Variants in GATA4 observed in about 807,000 individuals in gnomAD.
GATA4 encodes the protein GATA binding protein 4, also known as transcription factor GATA-4.
A neutral mutation model predicts 37.9 loss-of-function variants in GATA4; 7 were observed. The observed-to-expected ratio is 0.18, with a 90% CI of 0.11 to 0.35. The LOEUF (loss-of-function observed/expected upper bound fraction) is 0.35. Among genes scored for constraint, GATA4 ranks in the 10% least tolerant of loss-of-function variants. The pLI, the probability that GATA4 is intolerant of heterozygous loss-of-function variation, is 1.00. For missense variants in GATA4, 647 were observed against 653.0 expected (o/e 0.99, Z 0.10); for synonymous variants, 372 against 292.6 (o/e 1.27, Z -2.77).
chr8:11,742,448 A>G (rs939819598), intron 2 of GATA4, among the ~76,000 whole-genome samples: 5 of 150,932 alleles, frequency 3.3e-5, no homozygotes, highest in African/African-American at 9.7e-5. Context: ...TTTAGGAAAA[A>G]CAAAACAAAA....
chr8:11,749,775 G>T lies in GATA4; in HGVS notation c.787-336G>T, dbSNP rs557245647. 6.6e-6 allele frequency among the ~76,000 whole-genome samples: 1 copy of T among 152,136 alleles called. No homozygotes were observed. The highest frequency in any genetic ancestry group is 2.4e-5 in the African/African-American group (1 of 41,426). On this transcript the variant is annotated intron_variant, in intron 3 of 6. Transcript: ENST00000532059. The surrounding 1 kb of genome is among the most constrained non-coding windows in gnomAD (Gnocchi z 4.6). ...GCCTGCCCCCGGCACCTGCAGCCCC[G>T]GTCAGTTCTCCTCTCAGGAGAAGCT...
intron 1 of GATA4, among the ~76,000 whole-genome samples, chr8:11,677,843 G>A (rs973860962): frequency 3.9e-5 from 6 of 152,170 alleles, no homozygotes; most frequent in East Asian, 1.9e-4. Context: ...CACAGAGCTC[G>A]TAGTTTTCTT....
chr8:11,687,478 T>C (rs1473155056), intron 1 of GATA4, among the ~76,000 whole-genome samples: 1 of 152,166 alleles, frequency 6.6e-6, no homozygotes, highest in East Asian at 1.9e-4. Context: ...CAGAGCTCTG[T>C]GCCCTCATCT....
At chr8:11,716,224 A>C (rs1800426808) in intron 2 of GATA4, among the ~76,000 whole-genome samples, 1 of 152,196 alleles carries the variant, frequency 6.6e-6, no homozygotes, top group Admixed American at 6.5e-5. Context: ...TGACTATATT[A>C]CCTAATTTTA....
chr8:11,708,214 C>T lies in GATA4; in HGVS notation c.-99C>T. 3 of 1,320,174 alleles carry T rather than the reference C, an allele frequency of 2.3e-6. No individual in the cohort carries two copies. The highest frequency in any genetic ancestry group is 3.2e-6 in the Non-Finnish European group (3 of 952,028). The allele number at this position is 1,320,174 out of a possible 1,614,324, so 81.8% of individuals were successfully genotyped here. A position where few individuals can be genotyped will look rare whatever the true frequency, so the allele number is the denominator to read the frequency against. On this transcript the variant is annotated 5_prime_UTR_variant, in exon 2 of 7. Transcript: ENST00000532059. The surrounding 1 kb of genome is among the most constrained non-coding windows in gnomAD (Gnocchi z 6.7). ...TTTTGATCTTCGCGACAGTTCCTCCCACGCATATTATCGTTGTTGCCGTCG... is the reference window on the plus strand; with the variant it reads ...TTTTGATCTTCGCGACAGTTCCTCCTACGCATATTATCGTTGTTGCCGTCG...
chr8:11,681,143 C>T, intron 1 of GATA4: 1 of 985,394 alleles, frequency 1.0e-6, no homozygotes, highest in Non-Finnish European at 1.2e-6. Context: ...CCCAGGGAAT[C>T]TCCAGCTCCG....
At chr8:11,718,806 G>A (rs1010651779) in intron 2 of GATA4, among the ~76,000 whole-genome samples, 6 of 152,172 alleles carry the variant, frequency 3.9e-5, no homozygotes, top group Non-Finnish European at 7.3e-5. Context: ...AGAACTGATC[G>A]ATAGCAACTG....
At chr8:11,714,613 T>C (rs1800356272) in intron 2 of GATA4, among the ~76,000 whole-genome samples, 1 of 152,144 alleles carries the variant, frequency 6.6e-6, no homozygotes, top group African/African-American at 2.4e-5. Context: ...AAGAAAGGTG[T>C]GTTGGGGTGG....
intron 1 of GATA4, among the ~76,000 whole-genome samples, chr8:11,677,529 A>G (rs1418469431): frequency 6.6e-6 from 1 of 152,082 alleles, no homozygotes. Context: ...AGAACACCCA[A>G]ATCCCCTGGG....
chr8:11,711,383 C>T (rs78197677), intron 2 of GATA4, among the ~76,000 whole-genome samples: 6,404 of 152,256 alleles, frequency 0.042, 191 homozygotes, highest in Non-Finnish European at 0.065. Flanking sequence ...AGGAGAGGTG[C>T]GGCTCTCTGT....
At chr8:11,701,617 G>A (rs1799680074), upstream of GATA4, among the ~76,000 whole-genome samples, 1 of 152,170 alleles carries the variant, frequency 6.6e-6, no homozygotes, top group Admixed American at 6.5e-5. Flanking sequence ...AGGAAAGGAG[G>A]GAAAAGGAAA....
Position 11,750,114 on chromosome 8 carries a change from G to A in GATA4, c.790G>A (p.Ala264Thr), listed in dbSNP as rs201520087. The part of the protein sequence containing the change: ...PLIKPQRRLS[A>T]SRRVGLSCAN... ...GCATTTGTTTCCTGTCTTGCAGTCC[G>A]CCTCCCGCCGAGTGGGCCTCTCCTG... The change falls in exon 4 of 7, where the codon GCC (alanine) becomes ACC (threonine). Residue 264 changes from alanine to threonine, a missense_variant. Physicochemically the swap from Ala to Thr is moderately conservative, Grantham distance 58. Transcript: ENST00000532059. 12 of 1,613,918 alleles carry A rather than the reference G, an allele frequency of 7.4e-6. No individual in the cohort carries two copies. Among genetic ancestry groups the A allele is most frequent in the South Asian group, 3.3e-5 (3 of 91,090 alleles).
chr8:11,699,754 C>A (rs1485059388), upstream of GATA4, among the ~76,000 whole-genome samples: 1 of 152,218 alleles, frequency 6.6e-6, no homozygotes, highest in Non-Finnish European at 1.5e-5. Context: ...CTATGGTGTC[C>A]GTCCTGAACT....
intron 2 of GATA4, among the ~76,000 whole-genome samples, chr8:11,713,623 A>G (rs1800298475): frequency 6.6e-6 from 1 of 151,796 alleles, no homozygotes; most frequent in South Asian, 2.1e-4. Flanking sequence ...GACTGTGTCC[A>G]AATTTCTGAA....
upstream of GATA4, among the ~76,000 whole-genome samples, chr8:11,688,243 C>T (rs375442834): frequency 4.6e-5 from 7 of 152,294 alleles, no homozygotes; most frequent in East Asian, 1.9e-4. Flanking sequence ...ATTTATAATG[C>T]GTCTATGCCT....
At chr8:11,727,734 G>A (rs923510027) in intron 2 of GATA4, among the ~76,000 whole-genome samples, 1 of 152,032 alleles carries the variant, frequency 6.6e-6, no homozygotes, top group Non-Finnish European at 1.5e-5. Context: ...GCCCCAGCTA[G>A]GGAGGCTGCG....
chr8:11,753,097 T>C (rs1421437526), intron 4 of GATA4, among the ~76,000 whole-genome samples: 2 of 152,230 alleles, frequency 1.3e-5, no homozygotes, highest in Non-Finnish European at 2.9e-5. Flanking sequence ...CAAAGAGCTA[T>C]TTGTACACTG....
At chr8:11,728,760 G>A (rs559208962) in intron 2 of GATA4, among the ~76,000 whole-genome samples, 26 of 152,288 alleles carry the variant, frequency 1.7e-4, no homozygotes, top group African/African-American at 6.3e-4. Context: ...AGGCTGCCAA[G>A]TTGAATTAAG....
intron 2 of GATA4, among the ~76,000 whole-genome samples, chr8:11,737,696 CA>C (rs1484753210): frequency 6.6e-6 from 1 of 152,126 alleles, no homozygotes; most frequent in Non-Finnish European, 1.5e-5. Flanking sequence ...GCTGAGGACC[CA>C]CTTGGGAAAT....
Sources: gnomAD v4.1 joint callset for allele counts (sites outside exome capture counted in the v4.1 genomes callset) on GRCh38, gnomAD v4.1.1 for gene constraint, Gnocchi (gnomAD v3.1) non-coding constraint, MANE v1.5 for transcripts, NCBI Gene and HGNC (gene_info 2026-07-23, HGNC 2026-07-21) for gene names.